Variants in CD34 observed in about 807,000 individuals in gnomAD.
CD34 encodes the protein CD34 molecule.
Under a neutral mutation model 40.1 loss-of-function variants are expected in CD34, and 34 were observed. That is an observed-to-expected ratio of 0.85 (90% CI 0.65 to 1.13). CD34 has a LOEUF of 1.13. Among genes scored for constraint, CD34 ranks in the 50% most tolerant of loss-of-function variants. The pLI, the probability that CD34 is intolerant of heterozygous loss-of-function variation, is 0.00. For synonymous variants in CD34, 209 were observed against 190.0 expected (o/e 1.10, Z -0.82); for missense variants, 426 against 466.9 (o/e 0.91, Z 0.81).
intron 7 of CD34, 104 bp from the exon 8 acceptor site, chr1:207,888,027 G>T: frequency 6.4e-7 from 1 of 1,564,646 alleles, no homozygotes; most frequent in East Asian, 2.3e-5. Context: ...GTGGGAGAAG[G>T]GGGAGGGGGA....
chr1:207,900,931 C>G (rs1457029441), intron 1 of CD34, among the ~76,000 whole-genome samples: 1 of 151,120 alleles, frequency 6.6e-6, no homozygotes, highest in Non-Finnish European at 1.5e-5. Flanking sequence ...TTTTGGATCT[C>G]ATTTTTCTCT....
At chr1:207,896,092 C>T (rs965608507) in intron 4 of CD34, among the ~76,000 whole-genome samples, 16 of 152,188 alleles carry the variant, frequency 1.1e-4, no homozygotes, top group African/African-American at 2.4e-4. Flanking sequence ...GTAAAACTAC[C>T]GAGTTAGAAT....
At chr1:207,908,846 GAA>G (rs1662442098) in intron 1 of CD34, among the ~76,000 whole-genome samples, 1 of 152,098 alleles carries the variant, frequency 6.6e-6, no homozygotes, top group South Asian at 2.1e-4. Flanking sequence ...CAAAGGGACA[GAA>G]AAAAAGAACT....
rs144406032 is a variant in CD34 at position 207,902,381 on chromosome 1, C to T, written c.80-2378G>A. Among the ~76,000 whole-genome samples the T allele has an allele frequency of 2.0e-5, 3 of 152,292 alleles. No individual in the cohort carries two copies. The South Asian group carries it at 6.2e-4, about 32-fold the overall frequency. Reference sequence around the variant, plus strand: ...ACATCTCTGTAGAGAAAAGGATGGGCTCCCATCTGGCTTAAACAGGAGGTG... The same window carrying T: ...ACATCTCTGTAGAGAAAAGGATGGGTTCCCATCTGGCTTAAACAGGAGGTG... On this transcript the variant is annotated intron_variant, in intron 1 of 7. Coordinates refer to ENST00000310833, the MANE Select transcript of CD34 (RefSeq NM_001025109.2).
rs1191595284 is a variant in CD34, at chr1:207,884,377, T to C, written c.*3361A>G. 1 of 152,274 alleles carries C rather than the reference T, an allele frequency of 6.6e-6. No homozygotes were observed. Among genetic ancestry groups the C allele is most frequent in the South Asian group, 2.1e-4 (1 of 4,834 alleles). 9.4% of individuals were successfully genotyped at this position (152,274 alleles called of 1,614,324 possible). On this transcript the variant is annotated 3_prime_UTR_variant, in exon 8 of 8. Coordinates refer to ENST00000310833, the MANE Select transcript of CD34 (RefSeq NM_001025109.2). ...TTACTGTCCTCTTCTGCTAGAATTA[T>C]AAGCTTCATGAGTGTTTGCTGTATC...
chr1:207,903,708 C>T (rs1460439224), intron 1 of CD34, among the ~76,000 whole-genome samples: 1 of 152,174 alleles, frequency 6.6e-6, no homozygotes, highest in Non-Finnish European at 1.5e-5. Context: ...TCTTGTTTTA[C>T]ACATAATTCT....
intron 1 of CD34, 147 bp from the exon 2 acceptor site, chr1:207,900,150 A>T: frequency 3.3e-6 from 2 of 607,784 alleles, no homozygotes; most frequent in South Asian, 2.5e-5. Flanking sequence ...ACTCCTGGAC[A>T]GTGGATTAAT....
intron 1 of CD34, among the ~76,000 whole-genome samples, chr1:207,906,396 G>T (rs1279859108): frequency 6.6e-6 from 1 of 152,160 alleles, no homozygotes; most frequent in East Asian, 1.9e-4. Context: ...CAACTCTGAG[G>T]CCTACCATGA....
chr1:207,909,100 C>T lies in CD34; in HGVS notation c.79+1902G>A, dbSNP rs555529134. Among the ~76,000 whole-genome samples the T allele has an allele frequency of 2.0e-5, 3 of 152,290 alleles. No individual in the cohort carries two copies. In the South Asian group the frequency reaches 6.2e-4, roughly 32 times the overall value. ...GAAAGCTCTTGGGAAGGGCATAAAA[C>T]TACAATTGGCTCAAGTAGTCTGGCA... On this transcript the variant is annotated intron_variant, in intron 1 of 7. Transcript: ENST00000310833.
rs745971848 is a variant in CD34, at chr1:207,889,500, G to GGCCTCACCTCAGACTGGGCAAA, written c.718_719insTTTGCCCAGTCTGAGGTGAGGC (p.Pro240LeufsTer5). The GGCCTCACCTCAGACTGGGCAAA allele has an allele frequency of 6.2e-7, 1 of 1,613,936 alleles. No homozygotes were observed. The highest frequency in any genetic ancestry group is 1.7e-5 in the Admixed American group (1 of 59,984). On this transcript the variant is annotated stop_gained and frameshift_variant, in exon 5 of 8. Coordinates refer to ENST00000310833, the MANE Select transcript of CD34 (RefSeq NM_001025109.2). LOFTEE classifies it high-confidence loss of function. ...GGCCAAGACCAGCAGTAGACACTGA[G>GGCCTCACCTCAGACTGGGCAAA]GCCTCACCTCAGACTGGGCAAGGAG...
chr1:207,888,310 C>T (rs537260852), intron 7 of CD34, among the ~76,000 whole-genome samples: 15 of 152,334 alleles, frequency 9.8e-5, no homozygotes, highest in African/African-American at 3.1e-4. Flanking sequence ...ATTCTCCTTC[C>T]GTATACCTCC....
At chr1:207,908,596 G>A (rs1050204436) in intron 1 of CD34, among the ~76,000 whole-genome samples, 3 of 152,214 alleles carry the variant, frequency 2.0e-5, no homozygotes, top group African/African-American at 7.2e-5. Context: ...AGGGCCTGGG[G>A]GTGTTGTTAG....
rs749822311 is a variant in CD34, at chr1:207,901,357, C to T, written c.80-1354G>A. On this transcript the variant is annotated intron_variant, in intron 1 of 7. Coordinates refer to ENST00000310833, the MANE Select transcript of CD34 (RefSeq NM_001025109.2). ...CACTTTGCTCACATCCACGATGGGC[C>T]GCTTCTCCCAGTCCATCCTGCTAAG... 5.6e-4 allele frequency among the ~76,000 whole-genome samples: 86 copies of T among 152,374 alleles called. 1 individual carries two copies. Among genetic ancestry groups the T allele is most frequent in the African/African-American group, 1.4e-3 (60 of 41,596 alleles).
intron 3 of CD34, 90 bp downstream of exon 3, chr1:207,898,883 G>A (rs1662205251): frequency 7.4e-7 from 1 of 1,358,486 alleles, no homozygotes; most frequent in African/African-American, 1.4e-5. Context: ...CACTGGCAGG[G>A]ATGAGGAGAG....
rs1571775053 is a variant in CD34 at position 207,899,699 on chromosome 1, A to G, written c.262+122T>C. 6.7e-5 allele frequency: 58 copies of G among 867,116 alleles called. No individual in the cohort carries two copies. The East Asian group carries it at 1.4e-3, about 21-fold the overall frequency. 53.7% of individuals were successfully genotyped at this position (867,116 alleles called of 1,614,324 possible). A position where few individuals can be genotyped will look rare whatever the true frequency, so the allele number is the denominator to read the frequency against. Reference sequence around the variant, plus strand: ...GCACCCTAAGCATGATACTCAAGTCATTAATACTAGGGACTTGTATAATTT... The same window carrying G: ...GCACCCTAAGCATGATACTCAAGTCGTTAATACTAGGGACTTGTATAATTT... On this transcript the variant is annotated intron_variant, in intron 2 of 7. Coordinates refer to ENST00000310833, the MANE Select transcript of CD34 (RefSeq NM_001025109.2).
In CD34 at chr1:207,887,791, A is replaced by T; in HGVS notation, c.1105T>A (p.Ser369Thr). 6.2e-7 allele frequency: 1 copy of T among 1,614,078 alleles called. No homozygotes were observed. Among genetic ancestry groups the T allele is most frequent in the South Asian group, 1.1e-5 (1 of 91,074 alleles). ...TGTCTTGCTGAATGGCCGTTTCTGG[A>T]GGTGGCCTGGCCGGTCCCGTTTTCC... ...AQENGTGQAT[S>T]RNGHSARQHV... Residue 369 changes from serine to threonine, a missense_variant, in exon 8 of 8, where the codon TCC becomes ACC. By Grantham distance (58) the Ser-to-Thr change is moderately conservative (BLOSUM62 1). Coordinates refer to ENST00000310833, the MANE Select transcript of CD34 (RefSeq NM_001025109.2).
At chr1:207,890,752 C>T (rs896686900) in intron 4 of CD34, among the ~76,000 whole-genome samples, 1 of 152,092 alleles carries the variant, frequency 6.6e-6, no homozygotes, top group African/African-American at 2.4e-5. Flanking sequence ...CACAGAGACA[C>T]GAGCCCAAAC....
rs1661848885 is a variant in CD34 at position 207,883,828 on chromosome 1, A to G, written c.*3910T>C. Reference sequence around the variant, plus strand: ...CACTTTTTGAATTCTGCTTGATCTCATCACTGCCAATATGATCACCTGCTC... The same window carrying G: ...CACTTTTTGAATTCTGCTTGATCTCGTCACTGCCAATATGATCACCTGCTC... On this transcript the variant is annotated 3_prime_UTR_variant, in exon 8 of 8. Coordinates refer to ENST00000310833, the MANE Select transcript of CD34 (RefSeq NM_001025109.2). The G allele has an allele frequency of 6.6e-6, 1 of 152,104 alleles. No individual in the cohort carries two copies. The highest frequency in any genetic ancestry group is 6.5e-5 in the Admixed American group (1 of 15,270). 9.4% of individuals were successfully genotyped at this position (152,104 alleles called of 1,614,324 possible).
rs754724688 is a variant in CD34 at position 207,889,152 on chromosome 1, A to G, written c.807+9T>C. 4 of 1,514,096 alleles carry G rather than the reference A, an allele frequency of 2.6e-6. No homozygotes were observed. The highest frequency in any genetic ancestry group is 1.4e-5 in the African/African-American group (1 of 72,860). 93.8% of individuals were successfully genotyped at this position (1,514,096 alleles called of 1,614,324 possible). ...TTCCCTCTCAGGCCCATCATCTCAG[A>G]GGACTTACCTTTTTCAGGTCAGATT... is the stretch of plus-strand genomic sequence containing the variant. On this transcript the variant is annotated intron_variant, in intron 6 of 7. Coordinates refer to ENST00000310833, the MANE Select transcript of CD34 (RefSeq NM_001025109.2).
Sources: gnomAD v4.1 joint callset for allele counts (sites outside exome capture counted in the v4.1 genomes callset) on GRCh38, gnomAD v4.1.1 for gene constraint, MANE v1.5 for transcripts, NCBI Gene and HGNC (gene_info 2026-07-23, HGNC 2026-07-21) for gene names.